Variants in PLCL2 observed in about 807,000 individuals in gnomAD.
The protein encoded by PLCL2 is inactive phospholipase C-like protein 2.
In PLCL2, 4 loss-of-function variants were observed where a neutral mutation model predicts 79.6. The observed-to-expected ratio is 0.05, with a 90% CI of 0.02 to 0.11. The LOEUF is 0.11. PLCL2 is among the 10% of genes least tolerant of loss of function. PLCL2 has a pLI of 1.00. For synonymous variants in PLCL2, 484 were observed against 457.7 expected, an observed-to-expected ratio of 1.06 and a Z score of -0.73; for missense variants, 895 against 1,291.0, an observed-to-expected ratio of 0.69 and a Z score of 4.70.
chr3:16,958,746 G>A (rs1317430658), intron 1 of PLCL2, among the ~76,000 whole-genome samples: 2 of 152,138 alleles, frequency 1.3e-5, no homozygotes, highest in Non-Finnish European at 2.9e-5. Context: ...GCTCTACATT[G>A]GTATTTGTTT....
chr3:17,020,261 A>G (rs2064434360), intron 3 of PLCL2, among the ~76,000 whole-genome samples: 1 of 152,196 alleles, frequency 6.6e-6, no homozygotes, highest in Non-Finnish European at 1.5e-5. Flanking sequence ...TTTGTGACGT[A>G]TTACATAAAA....
chr3:17,052,422 T>C (rs372066672), intron 4 of PLCL2, among the ~76,000 whole-genome samples: 1 of 152,122 alleles, frequency 6.6e-6, no homozygotes, highest in African/African-American at 2.4e-5. Context: ...AACAAATTGA[T>C]ATCAGACAAT....
intron 1 of PLCL2, among the ~76,000 whole-genome samples, chr3:16,977,419 C>T (rs182332547): frequency 6.6e-6 from 1 of 152,298 alleles, no homozygotes; most frequent in East Asian, 1.9e-4. Context: ...AGCATTTTCA[C>T]TCTCATGACA....
At chr3:16,949,024 A>G (rs1167823478) in intron 1 of PLCL2, among the ~76,000 whole-genome samples, 3 of 152,242 alleles carry the variant, frequency 2.0e-5, no homozygotes, top group Admixed American at 6.5e-5. Flanking sequence ...CATAGCATTT[A>G]TTATATGCAT....
intron 5 of PLCL2, among the ~76,000 whole-genome samples, chr3:17,069,068 G>C (rs1035413052): frequency 1.3e-5 from 2 of 152,134 alleles, no homozygotes; most frequent in Non-Finnish European, 2.9e-5. Flanking sequence ...GGCATAAAAA[G>C]GCCTACATAT....
chr3:17,015,012 A>G, intron 3 of PLCL2, 101 bp downstream of exon 3: 1 of 858,410 alleles, frequency 1.2e-6, no homozygotes. Flanking sequence ...GCACTTTCCT[A>G]TTTCATGCTT....
At chr3:16,903,630 C>T (rs560694632) in intron 1 of PLCL2, among the ~76,000 whole-genome samples, 4 of 152,234 alleles carry the variant, frequency 2.6e-5, no homozygotes, top group African/African-American at 9.6e-5. Context: ...TTCTGATGTG[C>T]CCAGCAGTGG....
At chr3:16,972,050 A>G (rs933909459) in intron 1 of PLCL2, among the ~76,000 whole-genome samples, 7 of 152,030 alleles carry the variant, frequency 4.6e-5, no homozygotes, top group African/African-American at 9.7e-5. Flanking sequence ...AGAGCTATCT[A>G]TGACATACCC....
chr3:17,089,936 G>A lies in PLCL2; in HGVS notation c.*24G>A, dbSNP rs1013069477. The A allele has an allele frequency of 6.2e-7, 1 of 1,605,864 alleles. No individual in the cohort carries two copies. Among genetic ancestry groups the A allele is most frequent in the Non-Finnish European group, 8.5e-7 (1 of 1,176,336 alleles). The stretch of plus-strand genomic sequence containing the variant: ...GAGGAAACTTACAATAAACCATTAT[G>A]GAGTTTATAACTCTAGGACCAATTG... On this transcript the variant is annotated 3_prime_UTR_variant, in exon 6 of 6. Transcript: ENST00000615277.
chr3:16,965,860 C>T (rs1318234319), intron 1 of PLCL2, among the ~76,000 whole-genome samples: 4 of 151,788 alleles, frequency 2.6e-5, no homozygotes, highest in South Asian at 2.1e-4. Context: ...GTGATTTTTG[C>T]ACATTGATTT....
chr3:17,019,091 G>A (rs944121765), intron 3 of PLCL2, among the ~76,000 whole-genome samples: 1 of 152,166 alleles, frequency 6.6e-6, no homozygotes, highest in African/African-American at 2.4e-5. Context: ...TTAGTTTCAG[G>A]TTCAGAGATT....
chr3:17,046,937 A>T (rs1225875406), intron 4 of PLCL2, among the ~76,000 whole-genome samples: 1 of 152,124 alleles, frequency 6.6e-6, no homozygotes, highest in Non-Finnish European at 1.5e-5. Context: ...GACAGTGGGG[A>T]GGTTAAAAAT....
At chr3:17,082,147 T>TG (rs1332556640) in intron 5 of PLCL2, among the ~76,000 whole-genome samples, 2 of 148,974 alleles carry the variant, frequency 1.3e-5, no homozygotes, top group Admixed American at 1.3e-4. Flanking sequence ...GAGTTTTTTT[T>TG]TTTTTTTTTT....
chr3:16,960,073 C>T (rs552084348), intron 1 of PLCL2, among the ~76,000 whole-genome samples: 56 of 152,188 alleles, frequency 3.7e-4, no homozygotes, highest in South Asian at 6.2e-4. Flanking sequence ...CCACTGCACT[C>T]CAGCGTGGGC....
intron 1 of PLCL2, among the ~76,000 whole-genome samples, chr3:16,986,429 T>C (rs530034748): frequency 6.6e-6 from 1 of 152,094 alleles, no homozygotes; most frequent in Admixed American, 6.5e-5. Flanking sequence ...AAAGACAAGA[T>C]CTCACTCTGT....
chr3:17,022,502 A>G (rs2064466661), intron 3 of PLCL2, among the ~76,000 whole-genome samples: 1 of 152,196 alleles, frequency 6.6e-6, no homozygotes, highest in Non-Finnish European at 1.5e-5. Context: ...GGAAATTTAA[A>G]AAAAAGAAAG....
chr3:16,886,619 A>G lies in PLCL2; in HGVS notation c.327+1253A>G, dbSNP rs546446662. ...CAGTTTATGTCTGGGCAAGGACACA[A>G]TTTGAAGGGTTTGGAGATGAAGTGT... On this transcript the variant is annotated intron_variant, in intron 1 of 5. Transcript: ENST00000615277. This position sits in a 1 kb window ranked among gnomAD's most constrained non-coding sequence, Gnocchi z 4.2. Among the ~76,000 whole-genome samples, 1 of 152,328 alleles carries G rather than the reference A, an allele frequency of 6.6e-6. No homozygotes were observed. The highest frequency in any genetic ancestry group is 2.4e-5 in the African/African-American group (1 of 41,578).
chr3:16,893,746 A>G (rs1490585254), intron 1 of PLCL2, among the ~76,000 whole-genome samples: 1 of 152,252 alleles, frequency 6.6e-6, no homozygotes, highest in African/African-American at 2.4e-5. Flanking sequence ...GATTAAAAAA[A>G]TAGCTATTTT....
intron 4 of PLCL2, among the ~76,000 whole-genome samples, chr3:17,063,224 T>TCCTC (rs1559536555): frequency 2.9e-5 from 1 of 35,034 alleles, no homozygotes; most frequent in Non-Finnish European, 5.7e-5. Flanking sequence ...TTCTCTTCCT[T>TCCTC]CCTCCCTCCC....
Sources: allele counts gnomAD v4.1 joint callset (sites outside exome capture counted in the v4.1 genomes callset), GRCh38; gene constraint gnomAD v4.1.1; non-coding constraint Gnocchi (gnomAD v3.1); transcripts MANE v1.5; gene names NCBI Gene and HGNC (gene_info 2026-07-23, HGNC 2026-07-21).